Variants in PRKG1 observed in about 807,000 individuals in gnomAD.
The protein encoded by PRKG1 is protein kinase cGMP-dependent 1.
In PRKG1, 35 loss-of-function variants were observed where a neutral mutation model predicts 88.1. That is an observed-to-expected ratio of 0.40 (90% CI 0.30 to 0.53). PRKG1 has a LOEUF of 0.53. Among genes scored for constraint, PRKG1 ranks in the 20% least tolerant of loss-of-function variants. The probability of loss-of-function intolerance (pLI) is 0.59; values close to 1 mark genes in which losing one functional copy is unlikely to be tolerated. For synonymous variants in PRKG1, 303 were observed against 292.5 expected (o/e 1.04, Z -0.37); for missense variants, 540 against 839.8 (o/e 0.64, Z 4.41).
At chr10:51,723,720 A>G (rs1842067760) in intron 3 of PRKG1, among the ~76,000 whole-genome samples, 1 of 152,232 alleles carries the variant, frequency 6.6e-6, no homozygotes, top group Non-Finnish European at 1.5e-5. Flanking sequence ...AAAATATTTA[A>G]CATAAAAAAT....
At chr10:52,279,909 G>GA (rs931354046) in intron 12 of PRKG1, among the ~76,000 whole-genome samples, 71 of 142,980 alleles carry the variant, frequency 5.0e-4, no homozygotes, top group Middle Eastern at 3.6e-3. Context: ...GAAGTACCAT[G>GA]AAAAAAAAAA....
At position 51,359,507 on chromosome 10, in the gene PRKG1, T is replaced by C. The variant is rs536609041; in HGVS notation, c.479-108216T>C. 2.6e-5 allele frequency among the ~76,000 whole-genome samples: 4 copies of C among 151,930 alleles called. No individual in the cohort carries two copies. The East Asian group carries it at 5.8e-4, about 22-fold the overall frequency. On this transcript the variant is annotated intron_variant, in intron 2 of 17. Coordinates refer to ENST00000373980, the MANE Select transcript of PRKG1 (RefSeq NM_006258.4). ...GGTCCATTATTATTATTAACAGTCA[T>C]ATATGTAAATGAACTATGACTTTAC... is the stretch of plus-strand genomic sequence containing the variant.
At chr10:51,115,065 C>T (rs1022632632) in intron 1 of PRKG1, among the ~76,000 whole-genome samples, 2 of 151,882 alleles carry the variant, frequency 1.3e-5, no homozygotes, top group African/African-American at 4.8e-5. Flanking sequence ...TCTGTAATCC[C>T]AGCATTTTGG....
At position 51,731,258 on chromosome 10, in the gene PRKG1, A is replaced by G. The variant is rs2132471270; in HGVS notation, c.593-73327A>G. ...TGGTTTTTGGAAGAAATGTTCCCAA[A>G]GTAATAACATTAGCAGAAATGGGGG... is the stretch of plus-strand genomic sequence containing the variant. On this transcript the variant is annotated intron_variant, in intron 3 of 17. Transcript: ENST00000373980. Among the ~76,000 whole-genome samples the G allele has an allele frequency of 1.3e-5, 2 of 152,344 alleles. 1 individual carries two copies. The highest frequency in any genetic ancestry group is 4.1e-4 in the South Asian group (2 of 4,830).
chr10:51,604,781 G>T (rs1838713223), intron 3 of PRKG1, among the ~76,000 whole-genome samples: 1 of 152,210 alleles, frequency 6.6e-6, no homozygotes, highest in Non-Finnish European at 1.5e-5. Flanking sequence ...TTGGGATCTG[G>T]CCCATGGCAG....
At chr10:51,057,641 G>A (rs958688715) in intron 1 of PRKG1, among the ~76,000 whole-genome samples, 5 of 152,072 alleles carry the variant, frequency 3.3e-5, no homozygotes, top group African/African-American at 9.7e-5. Flanking sequence ...ATTCATTTAT[G>A]TCTGGTGTAT....
intron 1 of PRKG1, among the ~76,000 whole-genome samples, chr10:51,144,210 A>T (rs1294266389): frequency 6.6e-6 from 1 of 152,068 alleles, no homozygotes; most frequent in South Asian, 2.1e-4. Flanking sequence ...TACCTTTGAA[A>T]AATTAGAGAT....
At chr10:51,711,004 T>A (rs190026251) in intron 3 of PRKG1, among the ~76,000 whole-genome samples, 34 of 151,904 alleles carry the variant, frequency 2.2e-4, no homozygotes, top group African/African-American at 8.0e-4. Flanking sequence ...GCCAGTGGGG[T>A]TTTCTTTTTT....
chr10:52,239,834 A>G (rs1325631081), intron 9 of PRKG1, among the ~76,000 whole-genome samples: 1 of 152,176 alleles, frequency 6.6e-6, no homozygotes, highest in Non-Finnish European at 1.5e-5. Flanking sequence ...TTGTATACAT[A>G]TAGAAAAGAC....
intron 1 of PRKG1, among the ~76,000 whole-genome samples, chr10:51,017,404 A>G (rs1446707698): frequency 1.3e-5 from 2 of 152,210 alleles, no homozygotes; most frequent in African/African-American, 4.8e-5. Context: ...TGCCACAGAG[A>G]AGATTTTCAA....
At chr10:51,147,539 C>G (rs867584901) in intron 1 of PRKG1, among the ~76,000 whole-genome samples, 28 of 151,978 alleles carry the variant, frequency 1.8e-4, no homozygotes, top group African/African-American at 6.8e-4. Flanking sequence ...TGTTTTTAGA[C>G]TATTAATATT....
At chr10:51,559,043 T>C (rs1440619056) in intron 3 of PRKG1, among the ~76,000 whole-genome samples, 1 of 152,088 alleles carries the variant, frequency 6.6e-6, no homozygotes, top group African/African-American at 2.4e-5. Flanking sequence ...ATGGTTATAG[T>C]GGTTCTCTTT....
At chr10:52,024,593 C>A (rs1165480524) in intron 5 of PRKG1, among the ~76,000 whole-genome samples, 3 of 151,942 alleles carry the variant, frequency 2.0e-5, no homozygotes, top group African/African-American at 7.3e-5. Flanking sequence ...GGTTTTCTGT[C>A]CTTGCAATAG....
intron 9 of PRKG1, among the ~76,000 whole-genome samples, chr10:52,231,664 TAAGAA>T (rs1436552346): frequency 6.6e-6 from 1 of 152,156 alleles, no homozygotes; most frequent in Non-Finnish European, 1.5e-5. Flanking sequence ...CTGTTGGATT[TAAGAA>T]TAGATAGATA....
intron 1 of PRKG1, among the ~76,000 whole-genome samples, chr10:51,011,437 T>A (rs112537675): frequency 1.5e-4 from 23 of 152,196 alleles, no homozygotes; most frequent in Non-Finnish European, 2.9e-4. Context: ...ATAAAAAAAA[T>A]GTTTAACGAA....
At chr10:51,299,480 G>A (rs974164849) in intron 2 of PRKG1, 2 of 453,632 alleles carry the variant, frequency 4.4e-6, no homozygotes, top group Non-Finnish European at 9.0e-6. Context: ...TGCTGAGATT[G>A]CAGGTGTGAG....
intron 1 of PRKG1, among the ~76,000 whole-genome samples, chr10:51,130,810 C>G (rs1408239516): frequency 6.6e-6 from 1 of 151,760 alleles, no homozygotes. Flanking sequence ...GGCTGAGGCA[C>G]ACATTTGCTT....
intron 1 of PRKG1, among the ~76,000 whole-genome samples, chr10:51,016,910 G>GCC (rs1843074049): frequency 6.6e-6 from 1 of 151,040 alleles, no homozygotes. Context: ...CTCATGATCT[G>GCC]CCCCCTTTGG....
At chr10:51,064,185 T>A (rs1435837508) in intron 1 of PRKG1, among the ~76,000 whole-genome samples, 2 of 152,100 alleles carry the variant, frequency 1.3e-5, no homozygotes, top group Non-Finnish European at 1.5e-5. Flanking sequence ...GCTTTATTAA[T>A]TTTAATTACA....
Sources: allele counts gnomAD v4.1 joint callset (sites outside exome capture counted in the v4.1 genomes callset), GRCh38; gene constraint gnomAD v4.1.1; transcripts MANE v1.5; gene names NCBI Gene and HGNC (gene_info 2026-07-23, HGNC 2026-07-21).